Variants in GPBP1 observed in about 807,000 individuals in gnomAD.
GPBP1 encodes GC-rich promoter binding protein 1, also known as vasculin.
In GPBP1, 13 loss-of-function variants were observed where a neutral mutation model predicts 56.5. The observed-to-expected ratio is 0.23, with a 90% confidence interval of 0.15 to 0.37. The LOEUF (loss-of-function observed/expected upper bound fraction) is 0.37, where lower values mean the gene tolerates loss of function less well. GPBP1 is among the 10% of genes least tolerant of loss of function. GPBP1 has a pLI of 1.00. For missense variants in GPBP1, 477 were observed against 572.3 expected, an observed-to-expected ratio of 0.83 and a Z score of 1.70; for synonymous variants, 204 against 188.9, an observed-to-expected ratio of 1.08 and a Z score of -0.66.
At chr5:57,243,881 G>C (rs937812771) in intron 6 of GPBP1, among the ~76,000 whole-genome samples, 4 of 151,762 alleles carry the variant, frequency 2.6e-5, no homozygotes, top group Admixed American at 1.3e-4. Context: ...TAGAGACAAA[G>C]TTTCACTATA....
chr5:57,187,218 A>G (rs965067691), intron 2 of GPBP1, among the ~76,000 whole-genome samples: 1 of 152,168 alleles, frequency 6.6e-6, no homozygotes, highest in Non-Finnish European at 1.5e-5. Context: ...CCTGTTGCAA[A>G]ATAACGTCAT....
At chr5:57,206,979 C>G (rs1246866264) in intron 2 of GPBP1, among the ~76,000 whole-genome samples, 1 of 152,060 alleles carries the variant, frequency 6.6e-6, no homozygotes, top group East Asian at 1.9e-4. Flanking sequence ...TGGGGCATGC[C>G]TATATTCCCA....
At chr5:57,223,649 A>G (rs763352467) in intron 3 of GPBP1, among the ~76,000 whole-genome samples, 1 of 151,976 alleles carries the variant, frequency 6.6e-6, no homozygotes, top group Non-Finnish European at 1.5e-5. Flanking sequence ...ACACCTCCGT[A>G]AGGCTGTTTG....
rs1753758062 is a variant in GPBP1 at position 57,175,471 on chromosome 5, A to G, written c.-987A>G. 1 of 398,462 alleles carries G rather than the reference A, an allele frequency of 2.5e-6. No homozygotes were observed. The highest frequency in any genetic ancestry group is 2.1e-5 in the African/African-American group (1 of 48,622). 24.7% of individuals were successfully genotyped at this position (398,462 alleles called of 1,614,324 possible). ...AGGTGATTGAATTACTCAGATATGA[A>G]GATCATCATCTAGGTTTTGTGTAAA... On this transcript the variant is annotated 5_prime_UTR_variant, in exon 2 of 12. Coordinates refer to ENST00000506184, the MANE Select transcript of GPBP1 (RefSeq NM_022913.4).
At position 57,263,437 on chromosome 5, in the gene GPBP1, T is replaced by G. The variant is rs573719486; in HGVS notation, c.*685T>G. The G allele has an allele frequency of 6.6e-6, 1 of 152,308 alleles. No individual in the cohort carries two copies. The highest frequency in any genetic ancestry group is 2.1e-4 in the South Asian group (1 of 4,830). 9.4% of individuals were successfully genotyped at this position (152,308 alleles called of 1,614,324 possible). ...AAGAGGTGATTTTCAAAAGCTTTAT[T>G]GGGGTATGTTGTCAGACCAGGGTTT... On this transcript the variant is annotated 3_prime_UTR_variant, in exon 12 of 12. Transcript: ENST00000506184.
rs1756425102 is a variant in GPBP1 at position 57,230,888 on chromosome 5, A to G, written c.106A>G (p.Thr36Ala). The G allele has an allele frequency of 9.3e-6, 15 of 1,611,396 alleles. No individual in the cohort carries two copies. The highest frequency in any genetic ancestry group is 1.3e-5 in the Non-Finnish European group (15 of 1,178,948). Residue 36 changes from threonine (T) to alanine (A), a missense_variant, in exon 4 of 12, where the codon ACA becomes GCA. Physicochemically the swap from Thr to Ala is moderately conservative, Grantham distance 58 (BLOSUM62 0). This residue lies in a region of GPBP1 where 414 missense variants were observed against 458.2 expected (regional missense o/e 0.90). Transcript: ENST00000506184. The part of the protein sequence containing the change: ...FEKHSENFAW[T>A]ENRYDVNRRR... ...GAAGCATTCTGAAAACTTTGCATGG[A>G]CAGAGAATCGTTATGATGTGAACCG...
intron 6 of GPBP1, 75 bp from the exon 7 acceptor site, chr5:57,246,225 T>C (rs1741082371): frequency 1.7e-6 from 2 of 1,209,638 alleles, no homozygotes; most frequent in African/African-American, 3.0e-5. Flanking sequence ...TGGAATATAC[T>C]GTTCTTTTGG....
intron 11 of GPBP1, 99 bp downstream of exon 11, chr5:57,261,381 A>T: frequency 1.4e-6 from 1 of 707,578 alleles, no homozygotes; most frequent in Non-Finnish European, 2.5e-6. Flanking sequence ...TTAGGAATTT[A>T]TCACGATAGG....
At chr5:57,216,703 A>G (rs778379739) in intron 3 of GPBP1, among the ~76,000 whole-genome samples, 7 of 152,166 alleles carry the variant, frequency 4.6e-5, no homozygotes, top group African/African-American at 1.2e-4. Context: ...AAACAAAACA[A>G]AAAACACTAA....
In GPBP1 at chr5:57,246,415, A is replaced by T; in HGVS notation, c.594A>T (p.Pro198=). 6.2e-7 allele frequency: 1 copy of T among 1,614,064 alleles called. No homozygotes were observed. The highest frequency in any genetic ancestry group is 8.5e-7 in the Non-Finnish European group (1 of 1,179,918). The change falls in exon 7 of 12, where the codon CCA becomes CCT. Residue 198 remains proline, a synonymous_variant. Transcript: ENST00000506184. ...FPVVGNLPSQ[P]VKNGTGPSVY... ...TAGTAGGAAATCTTCCGTCACAGCC[A>T]GTTAAGAATGGAACTGGTCCAAGTG...
rs1373355114 is a variant in GPBP1 at position 57,214,126 on chromosome 5, C to A, written c.-5C>A. The stretch of plus-strand genomic sequence containing the variant: ...GTTTCACTGAGTTGGAGAGACTGGA[C>A]CTAAATGGCGCAGCATGACTTTGCT... On this transcript the variant is annotated 5_prime_UTR_variant, in exon 3 of 12. Transcript: ENST00000506184. 6.2e-7 allele frequency: 1 copy of A among 1,613,148 alleles called. No homozygotes were observed.
At position 57,230,551 on chromosome 5, in the gene GPBP1, T is replaced by TATAC. The variant is rs568366246; in HGVS notation, c.64-295_64-294insATAC. Among the ~76,000 whole-genome samples, 483 of 152,324 alleles carry TATAC rather than the reference T, an allele frequency of 3.2e-3. 4 individuals are homozygous for TATAC. Among genetic ancestry groups the TATAC allele is most frequent in the African/African-American group, 0.011 (459 of 41,584 alleles). On this transcript the variant is annotated intron_variant, in intron 3 of 11. Coordinates refer to ENST00000506184, the MANE Select transcript of GPBP1 (RefSeq NM_022913.4). Reference sequence around the variant, plus strand: ...GTATGATAAAGACTTAACATTTTGTTGAGAAACATCGTATTTTAACTTGTT... The same window carrying TATAC: ...GTATGATAAAGACTTAACATTTTGTTATACGAGAAACATCGTATTTTAACTTGTT...
chr5:57,224,595 A>G (rs1387322067), intron 3 of GPBP1, among the ~76,000 whole-genome samples: 2 of 151,896 alleles, frequency 1.3e-5, no homozygotes, highest in African/African-American at 4.8e-5. Context: ...ACAGGTGCGC[A>G]CCACCATGCC....
At chr5:57,218,865 T>C (rs905113349) in intron 3 of GPBP1, among the ~76,000 whole-genome samples, 2 of 152,232 alleles carry the variant, frequency 1.3e-5, no homozygotes, top group Non-Finnish European at 2.9e-5. Context: ...ACTTAAGTTA[T>C]AAAATTCTCC....
At chr5:57,207,606 C>T (rs535110119) in intron 2 of GPBP1, among the ~76,000 whole-genome samples, 20 of 152,326 alleles carry the variant, frequency 1.3e-4, no homozygotes, top group African/African-American at 3.4e-4. Flanking sequence ...CCTGCCTTAT[C>T]GCAAGGACAG....
chr5:57,198,556 T>C (rs935926263), intron 2 of GPBP1, among the ~76,000 whole-genome samples: 1 of 152,134 alleles, frequency 6.6e-6, no homozygotes, highest in Non-Finnish European at 1.5e-5. Flanking sequence ...TATAGTTCTT[T>C]ATAAATATTT....
intron 2 of GPBP1, among the ~76,000 whole-genome samples, chr5:57,185,797 C>T (rs1389232241): frequency 4.0e-5 from 6 of 151,634 alleles, no homozygotes; most frequent in Non-Finnish European, 5.9e-5. Context: ...CCCAGGAGTT[C>T]GAGACCAGCC....
At chr5:57,177,969 T>C (rs918268146) in intron 2 of GPBP1, among the ~76,000 whole-genome samples, 8 of 152,122 alleles carry the variant, frequency 5.3e-5, no homozygotes, top group African/African-American at 1.9e-4. Context: ...GAAATTGATA[T>C]TAGAGAGTTC....
chr5:57,193,613 CAAAA>C (rs1194542329), intron 2 of GPBP1, among the ~76,000 whole-genome samples: 1 of 61,508 alleles, frequency 1.6e-5, no homozygotes, highest in African/African-American at 5.6e-5. Flanking sequence ...GACCCTGTCT[CAAAA>C]AAAAAAAAAA....
Sources: gnomAD v4.1 joint callset for allele counts (sites outside exome capture counted in the v4.1 genomes callset) on GRCh38, gnomAD v4.1.1 for gene constraint, gnomAD v4.1.1 regional missense constraint, MANE v1.5 for transcripts, NCBI Gene and HGNC (gene_info 2026-07-23, HGNC 2026-07-21) for gene names.